WDR49: variants seen among roughly 807,000 people sequenced by gnomAD.
WDR49 encodes cilia- and flagella-associated protein 337.
In WDR49, 107 loss-of-function variants were observed where a neutral mutation model predicts 119.5. The observed-to-expected ratio is 0.90, with a 90% confidence interval of 0.77 to 1.05. The LOEUF is 1.05. Among genes scored for constraint, WDR49 ranks in the 50% least tolerant of loss-of-function variants. The pLI, the probability that WDR49 is intolerant of heterozygous loss-of-function variation, is 0.00. For synonymous variants in WDR49, 425 were observed against 418.8 expected (o/e 1.01, Z -0.18); for missense variants, 1,240 against 1,220.5 (o/e 1.02, Z -0.24).
intron 18 of WDR49, among the ~76,000 whole-genome samples, chr3:167,498,458 G>T (rs1751442388): frequency 3.3e-5 from 5 of 152,006 alleles, no homozygotes; most frequent in Admixed American, 2.6e-4. Flanking sequence ...GAGGGGGGAG[G>T]GTGAGAGGGG....
intron 16 of WDR49, among the ~76,000 whole-genome samples, chr3:167,519,019 A>G (rs114479774): frequency 0.03 from 4,630 of 152,156 alleles, 219 homozygotes; most frequent in African/African-American, 0.11. Context: ...CAAACAAATG[A>G]AAAAAGGCTC....
intron 7 of WDR49, among the ~76,000 whole-genome samples, chr3:167,592,437 C>CTTTTT (rs372398450): frequency 3.0e-5 from 4 of 133,346 alleles, no homozygotes; most frequent in Non-Finnish European, 4.9e-5. Flanking sequence ...TTTTCTTTTT[C>CTTTTT]TTTTTTTTTT....
At chr3:167,531,327 T>G (rs1752847477) in intron 12 of WDR49, 48 bp from the exon 13 acceptor site, 2 of 1,596,454 alleles carry the variant, frequency 1.3e-6, no homozygotes. Context: ...AAATATCTGC[T>G]TTTCAAACTA....
rs576794479 is a variant in WDR49 at position 167,581,377 on chromosome 3, T to C, written c.1276-5226A>G. Among the ~76,000 whole-genome samples, 3 of 152,280 alleles carry C rather than the reference T, an allele frequency of 2.0e-5. No individual in the cohort carries two copies. The South Asian group carries it at 6.2e-4, about 32-fold the overall frequency. On this transcript the variant is annotated intron_variant, in intron 7 of 18. Coordinates refer to ENST00000682715, the MANE Select transcript of WDR49 (RefSeq NM_001366157.1). ...AGTTCAGGTATGTGATTTTTATCTT[T>C]CCATTTTCTCATCTTTCTGCTGAAG...
chr3:167,502,234 A>G (rs1284540877), intron 17 of WDR49, among the ~76,000 whole-genome samples: 1 of 152,184 alleles, frequency 6.6e-6, no homozygotes, highest in Admixed American at 6.5e-5. Flanking sequence ...CCCTCACCAG[A>G]AGGTGGGCAA....
rs565037311 is a variant in WDR49, at chr3:167,558,676, A to G, written c.1674+1388T>C. ...AAGTCCACCTTAAATAATTTCCACA[A>G]GTAGGTATTGCAAAGATCTGAATGT... On this transcript the variant is annotated intron_variant, in intron 9 of 18. Transcript: ENST00000682715. 6.9e-4 allele frequency among the ~76,000 whole-genome samples: 105 copies of G among 152,278 alleles called. 1 individual carries two copies. The highest frequency in any genetic ancestry group is 2.4e-3 in the African/African-American group (101 of 41,554).
rs748824752 is a variant in WDR49, at chr3:167,522,487, G to GA, written c.2605-4dup. ...TTTTCAATATGCCAGTGCTTTGCCTGAAAAAAACGAAAACATCTGTTTTAT... is the reference window on the plus strand; with the variant it reads ...TTTTCAATATGCCAGTGCTTTGCCTGAAAAAAAACGAAAACATCTGTTTTAT... On this transcript the variant is annotated splice_region_variant and splice_polypyrimidine_tract_variant and intron_variant, in intron 15 of 18. Transcript: ENST00000682715. The GA allele has an allele frequency of 3.2e-6, 5 of 1,582,416 alleles. No individual in the cohort carries two copies. The highest frequency in any genetic ancestry group is 2.3e-5 in the East Asian group (1 of 44,390).
intron 18 of WDR49, among the ~76,000 whole-genome samples, chr3:167,480,451 T>G (rs1750675206): frequency 6.6e-6 from 1 of 152,058 alleles, no homozygotes; most frequent in Admixed American, 6.5e-5. Context: ...TACAGTATAG[T>G]GGCATCTTTA....
At chr3:167,532,635 G>A (rs1249223787) in intron 12 of WDR49, among the ~76,000 whole-genome samples, 2 of 152,152 alleles carry the variant, frequency 1.3e-5, no homozygotes, top group South Asian at 2.1e-4. Flanking sequence ...CCCTGCTGTC[G>A]GTAGTTCAGA....
intron 15 of WDR49, among the ~76,000 whole-genome samples, chr3:167,523,610 T>C (rs536830434): frequency 6.6e-6 from 1 of 152,258 alleles, no homozygotes; most frequent in East Asian, 1.9e-4. Context: ...TGTGTTCTAA[T>C]TGTTCAACTC....
intron 5 of WDR49, among the ~76,000 whole-genome samples, chr3:167,615,176 G>A (rs1292533785): frequency 6.6e-6 from 1 of 152,154 alleles, no homozygotes; most frequent in Non-Finnish European, 1.5e-5. Flanking sequence ...ACCTTTCAGA[G>A]GTACTTGAGG....
At chr3:167,582,154 T>C (rs774070677) in intron 7 of WDR49, among the ~76,000 whole-genome samples, 2 of 151,840 alleles carry the variant, frequency 1.3e-5, no homozygotes, top group African/African-American at 4.8e-5. Context: ...TACTTGCAGA[T>C]AATAGGATAA....
At chr3:167,614,171 G>A (rs755950338) in intron 5 of WDR49, among the ~76,000 whole-genome samples, 3 of 151,838 alleles carry the variant, frequency 2.0e-5, no homozygotes, top group Admixed American at 1.3e-4. Flanking sequence ...GCGCAATCTC[G>A]GCTCACTGCA....
chr3:167,627,065 G>T lies in WDR49; in HGVS notation c.393C>A (p.Asp131Glu). 1 of 1,300,718 alleles carries T rather than the reference G, an allele frequency of 7.7e-7. No individual in the cohort carries two copies. The highest frequency in any genetic ancestry group is 9.8e-7 in the Non-Finnish European group (1 of 1,024,368). 80.6% of individuals were successfully genotyped at this position (1,300,718 alleles called of 1,614,324 possible). Residue 131 changes from aspartate (D) to glutamate (E), a missense_variant, in exon 3 of 19, where the codon GAC becomes GAA. By Grantham distance (45) the Asp-to-Glu change is conservative. Coordinates refer to ENST00000682715, the MANE Select transcript of WDR49 (RefSeq NM_001366157.1). ...AKATVVPQWKDLEFLPVKHKD... is the reference protein window; with the variant it reads ...AKATVVPQWKELEFLPVKHKD... The stretch of plus-strand genomic sequence containing the variant: ...TGTGTTTTACTGGGAGGAATTCAAG[G>T]TCCTTCCACTGGGGCACCACAGTTG...
chr3:167,552,029 T>G (rs984436526), intron 10 of WDR49, among the ~76,000 whole-genome samples: 1 of 151,942 alleles, frequency 6.6e-6, no homozygotes, highest in Non-Finnish European at 1.5e-5. Flanking sequence ...TTGAGAGGGA[T>G]TTCTAGATAA....
At position 167,626,949 on chromosome 3, in the gene WDR49, T is replaced by C; in HGVS notation, c.509A>G (p.His170Arg). 7.6e-7 allele frequency: 1 copy of C among 1,322,652 alleles called. No homozygotes were observed. The highest frequency in any genetic ancestry group is 1.9e-4 in the Middle Eastern group (1 of 5,168). 81.9% of individuals were successfully genotyped at this position (1,322,652 alleles called of 1,614,324 possible). A position where few individuals can be genotyped will look rare whatever the true frequency, so the allele number is the denominator to read the frequency against. The change falls in exon 3 of 19, where the codon CAT becomes CGT. Residue 170 changes from histidine to arginine, a missense_variant. His to Arg is a conservative substitution (Grantham distance 29). Transcript: ENST00000682715. ...KEGLLAIWGE[H>R]LKLQETFPIT... ...GGGGAATGTTTCTTGCAGCTTTAAA[T>C]GCTCTCCCCAGATTGCCAATAAACC... is the stretch of plus-strand genomic sequence containing the variant.
intron 7 of WDR49, among the ~76,000 whole-genome samples, chr3:167,581,102 G>C (rs1269154533): frequency 6.6e-6 from 1 of 152,092 alleles, no homozygotes; most frequent in Non-Finnish European, 1.5e-5. Context: ...TTCACTTGTA[G>C]ATTAACAAGA....
At chr3:167,599,466 C>T (rs944505805) in intron 7 of WDR49, among the ~76,000 whole-genome samples, 5 of 152,160 alleles carry the variant, frequency 3.3e-5, no homozygotes, top group African/African-American at 1.2e-4. Flanking sequence ...AAGCCTGAGA[C>T]TCACCCTTCA....
chr3:167,646,028 G>A (rs897521568), intron 2 of WDR49, among the ~76,000 whole-genome samples: 1 of 152,124 alleles, frequency 6.6e-6, no homozygotes, highest in Non-Finnish European at 1.5e-5. Context: ...TGTTGGGGAT[G>A]GGAGAGAAAT....
Sources: gnomAD v4.1 joint callset for allele counts (sites outside exome capture counted in the v4.1 genomes callset) on GRCh38, gnomAD v4.1.1 for gene constraint, MANE v1.5 for transcripts, NCBI Gene and HGNC (gene_info 2026-07-23, HGNC 2026-07-21) for gene names.